The following EFHC2 variants were observed in gnomAD, a reference collection of about 807,000 sequenced individuals.
EFHC2 encodes the protein EF-hand domain-containing family member C2.
EFHC2 carries 18 observed loss-of-function variants against 52.7 expected under a neutral mutation model. The ratio of observed to expected loss-of-function variants is 0.34; its 90% CI spans 0.24 to 0.51. EFHC2 has a LOEUF of 0.51. Ranked by LOEUF, EFHC2 falls within the 20% of genes least tolerant of loss-of-function variation. The pLI, the probability that EFHC2 is intolerant of heterozygous loss-of-function variation, is 0.97. For synonymous variants in EFHC2, 203 were observed against 204.1 expected (o/e 0.99, Z 0.04); for missense variants, 513 against 562.5 (o/e 0.91, Z 0.89).
Position 44,148,448 on chromosome X carries a change from G to T in EFHC2, c.*347C>A. ...TATTGCTGTGATATAATTTGATTTT[G>T]TATTGTCATGTATAACCTTCAAAAG... On this transcript the variant is annotated 3_prime_UTR_variant, in exon 15 of 15. Transcript: ENST00000420999. 1 of 145,101 alleles carries T rather than the reference G, an allele frequency of 6.9e-6. No homozygotes were observed. The highest frequency in any genetic ancestry group is 1.3e-5 in the Non-Finnish European group (1 of 75,980). 12.0% of individuals were successfully genotyped at this position (145,101 alleles called of 1,213,427 possible).
chrX:44,222,788 T>C (rs1163674833), intron 11 of EFHC2, among the ~76,000 whole-genome samples: 1 of 111,980 alleles, frequency 8.9e-6, no homozygotes, highest in Non-Finnish European at 1.9e-5. Context: ...TAAAATTGTA[T>C]ATATTTACAG....
chrX:44,285,176 A>G (rs940646805), intron 2 of EFHC2: 13 of 111,672 alleles, frequency 1.2e-4, no homozygotes, highest in African/African-American at 4.2e-4. Flanking sequence ...CAACAACAAC[A>G]TATTCCAGGG....
intron 2 of EFHC2, among the ~76,000 whole-genome samples, chrX:44,296,171 G>C (rs2147370616): frequency 9.0e-6 from 1 of 111,376 alleles, no homozygotes; most frequent in South Asian, 3.8e-4. Context: ...GTGGAGAAAA[G>C]TGGAGTGAGC....
intron 11 of EFHC2, among the ~76,000 whole-genome samples, chrX:44,193,161 A>C (rs1259966681): frequency 9.0e-6 from 1 of 110,809 alleles, no homozygotes; most frequent in Non-Finnish European, 1.9e-5. Flanking sequence ...GACACAGACA[A>C]TCCTTTCTAT....
intron 2 of EFHC2, among the ~76,000 whole-genome samples, chrX:44,294,249 CGTGTGT>C (rs200162737): frequency 0.025 from 2,223 of 87,433 alleles, 33 homozygotes; most frequent in African/African-American, 0.049. Flanking sequence ...GTATACTCAA[CGTGTGT>C]GTGTGTGTGT....
At chrX:44,340,564 C>T (rs771483338) in intron 1 of EFHC2, among the ~76,000 whole-genome samples, 8 of 111,170 alleles carry the variant, frequency 7.2e-5, no homozygotes, top group African/African-American at 2.6e-4. Context: ...GAGGCTGAGG[C>T]AGGAGAATCG....
intron 1 of EFHC2, among the ~76,000 whole-genome samples, chrX:44,337,263 T>TC (rs1186806618): frequency 1.8e-4 from 20 of 111,719 alleles, no homozygotes; most frequent in Admixed American, 1.2e-3. Flanking sequence ...GGGTTTTTTT[T>TC]CCCTCAAAAA....
At chrX:44,172,357 T>A (rs2147275556) in intron 13 of EFHC2, among the ~76,000 whole-genome samples, 1 of 112,495 alleles carries the variant, frequency 8.9e-6, no homozygotes, top group South Asian at 3.7e-4. Flanking sequence ...CCTCTTATGG[T>A]CTAACAATCA....
chrX:44,159,533 A>G (rs1192184908), intron 14 of EFHC2, among the ~76,000 whole-genome samples: 1 of 112,443 alleles, frequency 8.9e-6, no homozygotes, highest in African/African-American at 3.2e-5. Context: ...TTTGGAATCT[A>G]GTTAAATTCT....
At chrX:44,161,351 T>TTA (rs1316085467) in intron 14 of EFHC2, among the ~76,000 whole-genome samples, 3 of 111,559 alleles carry the variant, frequency 2.7e-5, no homozygotes, top group African/African-American at 9.8e-5. Flanking sequence ...TCCCCTGGGT[T>TTA]TATAACAGCA....
At chrX:44,233,290 T>C (rs755445820) in intron 9 of EFHC2, among the ~76,000 whole-genome samples, 1 of 112,530 alleles carries the variant, frequency 8.9e-6, no homozygotes, top group Non-Finnish European at 1.9e-5. Flanking sequence ...GCCCTACTTC[T>C]GTAAAGGAGA....
chrX:44,261,375 C>A, intron 3 of EFHC2, 77 bp from the exon 4 acceptor site: 2 of 879,132 alleles, frequency 2.3e-6, no homozygotes, highest in Non-Finnish European at 3.1e-6. Context: ...CACTAACAAC[C>A]CTGAATACTT....
intron 4 of EFHC2, among the ~76,000 whole-genome samples, chrX:44,251,705 A>C (rs2037452754): frequency 9.4e-6 from 1 of 106,174 alleles, no homozygotes; most frequent in Admixed American, 1.0e-4. Flanking sequence ...CTTTTCAAAA[A>C]GATTTAAAAT....
At chrX:44,292,844 C>T (rs985328028) in intron 2 of EFHC2, among the ~76,000 whole-genome samples, 2 of 110,871 alleles carry the variant, frequency 1.8e-5, no homozygotes, top group Non-Finnish European at 3.8e-5. Flanking sequence ...TTGCCTTCTA[C>T]CATGATTGGA....
At chrX:44,226,126 G>C (rs1404009696) in intron 11 of EFHC2, among the ~76,000 whole-genome samples, 1 of 111,702 alleles carries the variant, frequency 9.0e-6, no homozygotes, top group Non-Finnish European at 1.9e-5. Context: ...TGGAAATACG[G>C]AGCTAAAGGT....
rs780533934 is a variant in EFHC2, at chrX:44,178,502, C to T, written c.1814G>A (p.Arg605His). The T allele has an allele frequency of 9.1e-6, 11 of 1,204,934 alleles. No individual in the cohort carries two copies. In the Admixed American group the frequency reaches 1.3e-4, roughly 15 times the overall value. The change falls in exon 12 of 15, where the codon CGT becomes CAT. Residue 605 changes from arginine to histidine, a missense_variant. Transcript: ENST00000420999. ...LAEQEFVTIARHYRVPEGTCS... is the reference protein window; with the variant it reads ...LAEQEFVTIAHHYRVPEGTCS... ...TGTGCCCTCAGGCACACGGTAGTGA[C>T]GTGCAATGGTTACAAATTCTTGCTC... is the stretch of plus-strand genomic sequence containing the variant.
chrX:44,187,410 A>G (rs2036885209), intron 11 of EFHC2, among the ~76,000 whole-genome samples: 2 of 110,164 alleles, frequency 1.8e-5, no homozygotes, highest in Non-Finnish European at 3.8e-5. Flanking sequence ...CTATTCTGAA[A>G]CCAAAATGCT....
chrX:44,162,464 G>A (rs1004571989), intron 14 of EFHC2, among the ~76,000 whole-genome samples: 8 of 111,003 alleles, frequency 7.2e-5, no homozygotes, highest in Non-Finnish European at 1.3e-4. Context: ...CCCTGTAAAG[G>A]GCACTCTTGA....
At chrX:44,318,981 G>T in intron 1 of EFHC2, among the ~76,000 whole-genome samples, 1 of 108,776 alleles carries the variant, frequency 9.2e-6, no homozygotes. Context: ...GTTGGAAGGG[G>T]GAAGGTCTGA....
Sources: allele counts gnomAD v4.1 joint callset (sites outside exome capture counted in the v4.1 genomes callset), GRCh38; gene constraint gnomAD v4.1.1; transcripts MANE v1.5; gene names NCBI Gene and HGNC (gene_info 2026-07-23, HGNC 2026-07-21).